Variants in HECTD3 observed in about 807,000 individuals in gnomAD.
The protein encoded by HECTD3 is HECT domain E3 ubiquitin protein ligase 3.
A neutral mutation model predicts 109.3 loss-of-function variants in HECTD3; 72 were observed. That is an observed-to-expected ratio of 0.66 (90% CI 0.54 to 0.80). HECTD3 has a LOEUF of 0.80. Among genes scored for constraint, HECTD3 ranks in the 30% least tolerant of loss-of-function variants. The pLI is 0.00. For missense variants in HECTD3, 1,041 were observed against 1,165.2 expected (o/e 0.89, Z 1.55); for synonymous variants, 481 against 471.8 (o/e 1.02, Z -0.25).
rs369610413 is a variant in HECTD3 at position 45,007,599 on chromosome 1, G to A, written c.1321-4C>T. On this transcript the variant is annotated splice_polypyrimidine_tract_variant and splice_region_variant and intron_variant, in intron 9 of 20. Coordinates refer to ENST00000372172, the MANE Select transcript of HECTD3 (RefSeq NM_024602.6). ...GCAGTAGGAACTGCTTCACTTGCTA[G>A]TGAGGAGAGGTGGCCAGAGCAGGAA... 5 of 1,605,702 alleles carry A rather than the reference G, an allele frequency of 3.1e-6. No homozygotes were observed. In the African/African-American group the frequency reaches 6.7e-5, roughly 21 times the overall value.
Position 45,006,932 on chromosome 1 carries a change from T to C in HECTD3, c.1621+19A>G. The C allele has an allele frequency of 6.2e-7, 1 of 1,612,520 alleles. No homozygotes were observed. On this transcript the variant is annotated intron_variant, in intron 12 of 20. Coordinates refer to ENST00000372172, the MANE Select transcript of HECTD3 (RefSeq NM_024602.6). This position sits in a 1 kb window ranked among gnomAD's most constrained non-coding sequence, Gnocchi z 4.7. ...AGGGCAGCAAGCAGGACCCTTGAGA[T>C]CCTCCCTCAGGGCCTCACCTTGGTC...
intron 15 of HECTD3, 179 bp downstream of exon 15, chr1:45,005,615 G>A (rs1317803743): frequency 5.8e-6 from 3 of 515,750 alleles, no homozygotes; most frequent in East Asian, 6.1e-5. Context: ...AGGAGAGGCT[G>A]GGGCTAGAGG....
chr1:45,009,434 C>A lies in HECTD3; in HGVS notation c.924G>T (p.Lys308Asn). The change falls in exon 6 of 21, where the codon AAG becomes AAT. Residue 308 changes from lysine to asparagine, a missense_variant. Lys to Asn is a moderately conservative substitution (Grantham distance 94). Coordinates refer to ENST00000372172, the MANE Select transcript of HECTD3 (RefSeq NM_024602.6). ...VDTTDDNFMPKRVVVYGGEGD... is the reference protein window; with the variant it reads ...VDTTDDNFMPNRVVVYGGEGD... The stretch of plus-strand genomic sequence containing the variant: ...CTTCACCCCCATAGACCACCACCCG[C>A]TTTGGCATAAAGTTGTCATCTGTGG... The A allele has an allele frequency of 1.2e-6, 2 of 1,614,198 alleles. No homozygotes were observed. The highest frequency in any genetic ancestry group is 1.7e-6 in the Non-Finnish European group (2 of 1,180,028).
Position 45,010,194 on chromosome 1 carries a change from C to T in HECTD3, c.623+7G>A, listed in dbSNP as rs1644772429. 1.2e-6 allele frequency: 2 copies of T among 1,613,984 alleles called. No individual in the cohort carries two copies. Among genetic ancestry groups the T allele is most frequent in the East Asian group, 2.2e-5 (1 of 44,866 alleles). ...CCTTCCTCCCCACCCCATTCCAGCT[C>T]ACTCACAGTAGCCTTTGTACAGCTT... On this transcript the variant is annotated splice_region_variant and intron_variant, in intron 3 of 20. Transcript: ENST00000372172.
At chr1:45,005,170 G>A (rs1381770938) in intron 15 of HECTD3, 7 of 383,458 alleles carry the variant, frequency 1.8e-5, no homozygotes, top group Non-Finnish European at 2.5e-5. Flanking sequence ...CAGGGTTCAC[G>A]TAAGGCCTTT....
Position 45,004,102 on chromosome 1 carries a change from G to T in HECTD3, c.2305C>A (p.Arg769=), listed in dbSNP as rs201311966. 1 of 1,614,026 alleles carries T rather than the reference G, an allele frequency of 6.2e-7. No homozygotes were observed. Among genetic ancestry groups the T allele is most frequent in the South Asian group, 1.1e-5 (1 of 91,082 alleles). ...AGTGCCTCCCAGAAATACTGCACCCGCGAGTCAGATGGCTCGAAGTCCTCA... is the reference window on the plus strand; with the variant it reads ...AGTGCCTCCCAGAAATACTGCACCCTCGAGTCAGATGGCTCGAAGTCCTCA... The part of the protein sequence containing the change: ...RFEDFEPSDS[R]VQYFWEALNN... Residue 769 remains arginine, a synonymous_variant, in exon 18 of 21, where the codon CGG becomes AGG. Coordinates refer to ENST00000372172, the MANE Select transcript of HECTD3 (RefSeq NM_024602.6).
In HECTD3 at chr1:45,007,108, G is replaced by C. The variant is rs76154101; in HGVS notation, c.1557-93C>G. 6.3e-3 allele frequency: 9,730 copies of C among 1,554,260 alleles called. 49 individuals are homozygous for C. Among genetic ancestry groups the C allele is most frequent in the East Asian group, 0.013 (565 of 44,358 alleles). On this transcript the variant is annotated intron_variant, in intron 11 of 20. Coordinates refer to ENST00000372172, the MANE Select transcript of HECTD3 (RefSeq NM_024602.6). Reference sequence around the variant, plus strand: ...ACCACCTGGGAAAAGCAGTCATGGCGAGGGGTGCCTCGAGCAGTTGTGTGT... The same window carrying C: ...ACCACCTGGGAAAAGCAGTCATGGCCAGGGGTGCCTCGAGCAGTTGTGTGT...
intron 1 of HECTD3, 91 bp downstream of exon 1, chr1:45,010,798 C>A: frequency 6.6e-7 from 1 of 1,512,852 alleles, no homozygotes; most frequent in South Asian, 1.3e-5. Context: ...GAACGCAATG[C>A]CAACTCAATA....
Position 45,006,110 on chromosome 1 carries a change from C to T in HECTD3, c.1732G>A (p.Gly578Ser). ...FFVRTANQGN[G>S]TGEARDMYVP... ...TACATGTCCCGAGCCTCACCAGTGC[C>T]ATTGCCCTGCCCCAGAGACAGAGCT... is the stretch of plus-strand genomic sequence containing the variant. Residue 578 changes from glycine (G) to serine (S), a missense_variant, in exon 14 of 21, where the codon GGC (glycine) becomes AGC (serine). Physicochemically the swap from Gly to Ser is moderately conservative, Grantham distance 56. Transcript: ENST00000372172. The surrounding 1 kb of genome is among the most constrained non-coding windows in gnomAD (Gnocchi z 4.7). 3 of 1,613,800 alleles carry T rather than the reference C, an allele frequency of 1.9e-6. No individual in the cohort carries two copies. The highest frequency in any genetic ancestry group is 2.5e-6 in the Non-Finnish European group (3 of 1,179,716).
chr1:45,009,664 C>T lies in HECTD3; in HGVS notation c.779G>A (p.Cys260Tyr). Residue 260 changes from cysteine (C) to tyrosine (Y), a missense_variant, in exon 5 of 21, where the codon TGC becomes TAC. This residue lies in a region of HECTD3 where 472 missense variants were observed against 449.9 expected (regional missense o/e 1.05). Transcript: ENST00000372172. ...GGTATCGGCATTGCTGTCTGTCAGG[C>T]AGGACACGTTGAACTCCTCCTGGGG... ...SSYTEEFNVS[C>Y]LTDSNADTYW... 1 of 1,613,908 alleles carries T rather than the reference C, an allele frequency of 6.2e-7. No homozygotes were observed. Among genetic ancestry groups the T allele is most frequent in the Non-Finnish European group, 8.5e-7 (1 of 1,179,862 alleles).
Position 45,010,368 on chromosome 1 carries a change from C to T in HECTD3, c.531-75G>A. On this transcript the variant is annotated intron_variant, in intron 2 of 20. Coordinates refer to ENST00000372172, the MANE Select transcript of HECTD3 (RefSeq NM_024602.6). The stretch of plus-strand genomic sequence containing the variant: ...AGACACTACCTCCATGCCGTGTAGC[C>T]TTCTTCAGGGCTCTATCTCCCAGTC... 2.0e-6 allele frequency: 3 copies of T among 1,490,340 alleles called. No homozygotes were observed. In the South Asian group the frequency reaches 3.4e-5, roughly 17 times the overall value. The allele number at this position is 1,490,340 out of a possible 1,614,324, so 92.3% of individuals were successfully genotyped here.
At chr1:45,009,908 G>A (rs540187967) in intron 4 of HECTD3, 78 bp downstream of exon 4, 19 of 1,498,502 alleles carry the variant, frequency 1.3e-5, no homozygotes, top group Non-Finnish European at 1.6e-5. Context: ...CTGGCCTGCA[G>A]GTGGGGGTTC....
At chr1:45,008,046 T>C (rs1178589443) in intron 9 of HECTD3, among the ~76,000 whole-genome samples, 194 bp downstream of exon 9, 2 of 152,240 alleles carry the variant, frequency 1.3e-5, no homozygotes, top group Admixed American at 1.3e-4. Flanking sequence ...CCACACACTC[T>C]GGAATACCAA....
rs529597978 is a variant in HECTD3, at chr1:45,011,142, G to A, written c.116C>T (p.Ala39Val). The stretch of plus-strand genomic sequence containing the variant: ...CACCTCTCGCGGCACGAAAGCCAGC[G>A]CTGCTGGCAGCGGCCGCCCGGCGCG... ...SLRAGRPLPA[A>V]LAFVPREVLY... Residue 39 changes from alanine to valine, a missense_variant, in exon 1 of 21, where the codon GCG (alanine) becomes GTG (valine). Around this residue, in one of 2 missense-constraint regions of HECTD3, gnomAD observed 472 missense variants for 449.9 expected, o/e 1.05. Coordinates refer to ENST00000372172, the MANE Select transcript of HECTD3 (RefSeq NM_024602.6). The A allele has an allele frequency of 2.5e-5, 37 of 1,507,732 alleles. No homozygotes were observed. In the East Asian group the frequency reaches 1.0e-3, roughly 41 times the overall value. The allele number at this position is 1,507,732 out of a possible 1,614,324, so 93.4% of individuals were successfully genotyped here.
rs749722688 is a variant in HECTD3, at chr1:45,004,623, G to A, written c.2119C>T (p.Arg707Trp). Residue 707 changes from arginine (R) to tryptophan (W), a missense_variant, in exon 16 of 21, where the codon CGG becomes TGG. Physicochemically the swap from Arg to Trp is moderately radical, Grantham distance 101. Coordinates refer to ENST00000372172, the MANE Select transcript of HECTD3 (RefSeq NM_024602.6). ...SRFIQLVQKA[R>W]LEESKEQVAA... ...ACCTGCTCCTTGCTCTCCTCTAGCC[G>A]TGCCTTCTGGACCAGTTGGATGAAA... 24 of 1,614,030 alleles carry A rather than the reference G, an allele frequency of 1.5e-5. No homozygotes were observed. The highest frequency in any genetic ancestry group is 4.5e-5 in the East Asian group (2 of 44,898).
rs1158044373 is a variant in HECTD3, at chr1:45,006,143, T to G, written c.1726-27A>C. 2.5e-6 allele frequency: 4 copies of G among 1,607,262 alleles called. No individual in the cohort carries two copies. Among genetic ancestry groups the G allele is most frequent in the Non-Finnish European group, 3.4e-6 (4 of 1,174,814 alleles). ...TGCCCCAGAGACAGAGCTGTGAGTG[T>G]GGCATGAGATACACCCTATTTTCCT... On this transcript the variant is annotated intron_variant, in intron 13 of 20. Coordinates refer to ENST00000372172, the MANE Select transcript of HECTD3 (RefSeq NM_024602.6). The surrounding 1 kb of genome is among the most constrained non-coding windows in gnomAD (Gnocchi z 4.7).
rs1644736429 is a variant in HECTD3, at chr1:45,006,490, G to T, written c.1725+202C>A. 6.6e-6 allele frequency among the ~76,000 whole-genome samples: 1 copy of T among 152,036 alleles called. No homozygotes were observed. Among genetic ancestry groups the T allele is most frequent in the East Asian group, 1.9e-4 (1 of 5,170 alleles). The stretch of plus-strand genomic sequence containing the variant: ...CCGGCTAATTTTTTATTTTTATAGA[G>T]ATGGGGCTTCACTTCATTGGCCAGG... On this transcript the variant is annotated intron_variant, in intron 13 of 20. Coordinates refer to ENST00000372172, the MANE Select transcript of HECTD3 (RefSeq NM_024602.6). The surrounding 1 kb of genome is among the most constrained non-coding windows in gnomAD (Gnocchi z 4.7).
In HECTD3 at chr1:45,007,536, C is replaced by T. The variant is rs768527804; in HGVS notation, c.1380G>A (p.Leu460=). The T allele has an allele frequency of 6.2e-7, 1 of 1,613,922 alleles. No homozygotes were observed. The highest frequency in any genetic ancestry group is 1.1e-5 in the South Asian group (1 of 91,084). ...RQRPGLVAQC[L]RDSESSKPSF... ...TGGGCTTGCTGCTCTCAGAGTCACG[C>T]AGGCACTGAGCCACCAGGCCTGGCC... The change falls in exon 10 of 21, where the codon CTG becomes CTA. Residue 460 remains leucine, a synonymous_variant. Coordinates refer to ENST00000372172, the MANE Select transcript of HECTD3 (RefSeq NM_024602.6).
Position 45,004,334 on chromosome 1 carries a change from G to C in HECTD3, c.2186C>G (p.Ala729Gly), listed in dbSNP as rs766576380. 9.3e-6 allele frequency: 15 copies of C among 1,614,080 alleles called. No individual in the cohort carries two copies. The highest frequency in any genetic ancestry group is 1.3e-5 in the Non-Finnish European group (15 of 1,179,932). The change falls in exon 17 of 21, where the codon GCT becomes GGT. Residue 729 changes from alanine (A) to glycine (G), a missense_variant. Coordinates refer to ENST00000372172, the MANE Select transcript of HECTD3 (RefSeq NM_024602.6). ...TTGCCAGGTCAGCAAGTCCAGCACA[G>C]CCTGTGGTACCACCTTCAGCAGACC... Reference protein sequence around the residue: ...QAGLLKVVPQAVLDLLTWQEL... With the variant: ...QAGLLKVVPQGVLDLLTWQEL...
Sources: allele counts gnomAD v4.1 joint callset (sites outside exome capture counted in the v4.1 genomes callset), GRCh38; gene constraint gnomAD v4.1.1; regional missense constraint gnomAD v4.1.1; non-coding constraint Gnocchi (gnomAD v3.1); transcripts MANE v1.5; gene names NCBI Gene and HGNC (gene_info 2026-07-23, HGNC 2026-07-21).